ADGRL2: variants seen among roughly 807,000 people sequenced by gnomAD.
ADGRL2 encodes the protein adhesion G protein-coupled receptor L2, also known as calcium-independent alpha-latrotoxin receptor 2.
ADGRL2 carries 44 observed loss-of-function variants against 157.4 expected under a neutral mutation model. The ratio of observed to expected loss-of-function variants is 0.28; its 90% CI spans 0.22 to 0.36. ADGRL2 has a LOEUF of 0.36. ADGRL2 is among the 10% of genes least tolerant of loss of function. The pLI is 1.00. For synonymous variants in ADGRL2, 585 were observed against 624.7 expected, an observed-to-expected ratio of 0.94 and a Z score of 0.95; for missense variants, 1,510 against 1,768.9, an observed-to-expected ratio of 0.85 and a Z score of 2.63.
intron 2 of ADGRL2, among the ~76,000 whole-genome samples, chr1:81,875,294 C>T (rs1054873863): frequency 6.6e-6 from 1 of 152,044 alleles, no homozygotes; most frequent in Admixed American, 6.6e-5. Flanking sequence ...TACTTGTCTT[C>T]TAGTGTTGGA....
chr1:81,387,790 T>C (rs1377390913), intron 1 of ADGRL2, among the ~76,000 whole-genome samples: 2 of 151,934 alleles, frequency 1.3e-5, no homozygotes, highest in African/African-American at 4.8e-5. Flanking sequence ...GATTACTTTC[T>C]TAAACTGAAA....
intron 2 of ADGRL2, among the ~76,000 whole-genome samples, chr1:81,565,172 A>G (rs188797339): frequency 2.4e-4 from 36 of 152,316 alleles, no homozygotes; most frequent in African/African-American, 7.9e-4. Context: ...CTCTTAACCT[A>G]TTAGAGCTTC....
At chr1:81,440,402 T>A (rs939213197) in intron 1 of ADGRL2, among the ~76,000 whole-genome samples, 2 of 152,310 alleles carry the variant, frequency 1.3e-5, no homozygotes, top group Middle Eastern at 3.4e-3. Context: ...AATCAGTACT[T>A]AAAGGTTGGA....
intron 1 of ADGRL2, among the ~76,000 whole-genome samples, chr1:81,741,598 A>C (rs958089772): frequency 6.6e-6 from 1 of 152,052 alleles, no homozygotes; most frequent in Non-Finnish European, 1.5e-5. Context: ...AAGCAAATGC[A>C]GTAATAGCCC....
At chr1:81,465,438 C>T (rs1458368397) in intron 2 of ADGRL2, among the ~76,000 whole-genome samples, 1 of 151,790 alleles carries the variant, frequency 6.6e-6, no homozygotes, top group Non-Finnish European at 1.5e-5. Flanking sequence ...GATCTGTTTG[C>T]TACATTAAAT....
At chr1:81,796,183 G>T (rs992504366), upstream of ADGRL2, among the ~76,000 whole-genome samples, 3 of 152,116 alleles carry the variant, frequency 2.0e-5, no homozygotes, top group Non-Finnish European at 4.4e-5. Context: ...TAGAGACGGG[G>T]TTTCACTATC....
At position 81,968,186 on chromosome 1, in the gene ADGRL2, A is replaced by C; in HGVS notation, c.2510A>C (p.His837Pro). 1 of 1,611,168 alleles carries C rather than the reference A, an allele frequency of 6.2e-7. No individual in the cohort carries two copies. Among genetic ancestry groups the C allele is most frequent in the Non-Finnish European group, 8.5e-7 (1 of 1,179,272 alleles). The change falls in exon 14 of 24, where the codon CAC becomes CCC. Residue 837 changes from histidine to proline, a missense_variant. Transcript: ENST00000686636. ...HLTNFAILMAHREIAYKDGVH... is the reference protein window; with the variant it reads ...HLTNFAILMAPREIAYKDGVH... ...ACCAATTTTGCAATTCTCATGGCCC[A>C]CAGGGAAATTGCAGTAAGTATTTGC...
At chr1:81,509,735 A>G (rs1285962881) in intron 2 of ADGRL2, among the ~76,000 whole-genome samples, 1 of 152,200 alleles carries the variant, frequency 6.6e-6, no homozygotes, top group Non-Finnish European at 1.5e-5. Flanking sequence ...ACTGGCATGA[A>G]GCTGAACTGA....
At chr1:81,934,393 CT>C (rs1422685422) in intron 3 of ADGRL2, among the ~76,000 whole-genome samples, 10 of 151,964 alleles carry the variant, frequency 6.6e-5, no homozygotes, top group African/African-American at 2.4e-4. Flanking sequence ...AGTAAAAGAT[CT>C]CTAAGCCTGT....
chr1:81,769,392 T>A (rs771606808), intron 2 of ADGRL2, among the ~76,000 whole-genome samples: 3 of 152,134 alleles, frequency 2.0e-5, no homozygotes, highest in Non-Finnish European at 4.4e-5. Context: ...CTGTGAGTAG[T>A]AATACATTTT....
intron 21 of ADGRL2, among the ~76,000 whole-genome samples, chr1:81,985,592 T>A (rs12034475): frequency 0.15 from 22,088 of 151,956 alleles, 2,596 homozygotes; most frequent in East Asian, 0.6. Context: ...ATTAATAAAA[T>A]TAGAATAGTT....
chr1:81,462,175 GATGGACCAATCACCACTCTGTAAA>G (rs1186576653), intron 2 of ADGRL2, among the ~76,000 whole-genome samples: 7 of 152,000 alleles, frequency 4.6e-5, no homozygotes, highest in Non-Finnish European at 1.0e-4. Context: ...CACTCTGTAA[GATGGACCAATCACCACTCTGTAAA>G]ATGGACCAAT....
intron 1 of ADGRL2, among the ~76,000 whole-genome samples, chr1:81,356,916 G>A (rs531926019): frequency 1.3e-4 from 16 of 120,026 alleles, no homozygotes; most frequent in Non-Finnish European, 2.2e-4. Context: ...TCGCGCCACT[G>A]CACTCCAGCC....
intron 23 of ADGRL2, chr1:81,988,518 A>T (rs1663832278): frequency 6.6e-6 from 1 of 152,126 alleles, no homozygotes; most frequent in Admixed American, 6.6e-5. Context: ...GAATTTATGA[A>T]GCTAGAGAAT....
intron 1 of ADGRL2, among the ~76,000 whole-genome samples, chr1:81,761,360 C>T (rs1472431): frequency 1 from 151,302 of 151,968 alleles, 75,325 homozygotes; most frequent in Non-Finnish European, 1. Flanking sequence ...ATGATCTCAG[C>T]GTATTTTTCT....
intron 2 of ADGRL2, among the ~76,000 whole-genome samples, chr1:81,883,398 TA>T (rs1223120247): frequency 1.3e-5 from 2 of 152,180 alleles, no homozygotes; most frequent in African/African-American, 4.8e-5. Context: ...TTCTCACATC[TA>T]CTTGCATGGA....
At chr1:81,911,321 G>A (rs192598616) in intron 3 of ADGRL2, among the ~76,000 whole-genome samples, 1 of 152,028 alleles carries the variant, frequency 6.6e-6, no homozygotes, top group East Asian at 1.9e-4. Flanking sequence ...ATTGTTGGGG[G>A]GGGCAACTTA....
intron 1 of ADGRL2, among the ~76,000 whole-genome samples, chr1:81,424,612 A>T (rs1367634566): frequency 6.6e-6 from 1 of 152,210 alleles, no homozygotes; most frequent in African/African-American, 2.4e-5. Context: ...TTTTTATTTC[A>T]AATATCAATG....
At chr1:81,836,679 G>A (rs1257218753) in intron 1 of ADGRL2, among the ~76,000 whole-genome samples, 1 of 152,030 alleles carries the variant, frequency 6.6e-6, no homozygotes, top group Non-Finnish European at 1.5e-5. Context: ...CAATTTGACT[G>A]TCAAAAAGGC....
Sources: gnomAD v4.1 joint callset for allele counts (sites outside exome capture counted in the v4.1 genomes callset) on GRCh38, gnomAD v4.1.1 for gene constraint, MANE v1.5 for transcripts, NCBI Gene and HGNC (gene_info 2026-07-23, HGNC 2026-07-21) for gene names.